The following ITIH3 variants were observed in gnomAD, a reference collection of about 807,000 sequenced individuals.
ITIH3 encodes inter-alpha-trypsin inhibitor heavy chain 3.
A neutral mutation model predicts 96.5 loss-of-function variants in ITIH3; 81 were observed. The observed-to-expected ratio is 0.84, with a 90% confidence interval of 0.70 to 1.01. The LOEUF (loss-of-function observed/expected upper bound fraction) is 1.01. Among genes scored for constraint, ITIH3 ranks in the 50% least tolerant of loss-of-function variants. The probability of loss-of-function intolerance (pLI) is 0.00; values close to 1 mark genes in which losing one functional copy is unlikely to be tolerated. For synonymous variants in ITIH3, 422 were observed against 445.2 expected (o/e 0.95, Z 0.66); for missense variants, 1,057 against 1,139.3 (o/e 0.93, Z 1.04).
intron 10 of ITIH3, 89 bp downstream of exon 10, chr3:52,800,752 G>T (rs978017211): frequency 2.0e-6 from 3 of 1,533,026 alleles, no homozygotes; most frequent in African/African-American, 1.4e-5. Flanking sequence ...AAAACCTGGG[G>T]CAGCTCTTCC....
chr3:52,797,838 C>A lies in ITIH3; in HGVS notation c.571C>A (p.Pro191Thr). 6.2e-7 allele frequency: 1 copy of A among 1,607,796 alleles called. No individual in the cohort carries two copies. The highest frequency in any genetic ancestry group is 8.5e-7 in the Non-Finnish European group (1 of 1,177,202). Residue 191 changes from proline to threonine, a missense_variant, in exon 6 of 22, where the codon CCT becomes ACT. Coordinates refer to ENST00000449956, the MANE Select transcript of ITIH3 (RefSeq NM_002217.4). ...HFEIEVDIFEPQGISMLDAEA... is the reference protein window; with the variant it reads ...HFEIEVDIFETQGISMLDAEA... ...TCAGATCGAGGTAGACATCTTCGAG[C>A]CTCAGGGAATCAGCATGCTGGATGC...
At chr3:52,797,454 G>C (rs919779314) in intron 5 of ITIH3, among the ~76,000 whole-genome samples, 187 bp downstream of exon 5, 2 of 152,236 alleles carry the variant, frequency 1.3e-5, no homozygotes, top group Non-Finnish European at 2.9e-5. Context: ...GAAGAGGCTG[G>C]GATGGACTCC....
chr3:52,802,441 T>A lies in ITIH3; in HGVS notation c.1491T>A (p.Asp497Glu). The A allele has an allele frequency of 1.9e-6, 3 of 1,613,938 alleles. No homozygotes were observed. Among genetic ancestry groups the A allele is most frequent in the Non-Finnish European group, 2.5e-6 (3 of 1,179,870 alleles). ...LTQNTYQHFY[D>E]GSEIVVAGRL... ...AGAACACTTACCAGCACTTCTACGA[T>A]GGCTCTGAGATCGTGGTGGCCGGGC... is the stretch of plus-strand genomic sequence containing the variant. The change falls in exon 12 of 22, where the codon GAT becomes GAA. Residue 497 changes from aspartate (D) to glutamate (E), a missense_variant. By Grantham distance (45) the Asp-to-Glu change is conservative (BLOSUM62 2). Coordinates refer to ENST00000449956, the MANE Select transcript of ITIH3 (RefSeq NM_002217.4).
In ITIH3 at chr3:52,799,763, C is replaced by G. The variant is rs779319143; in HGVS notation, c.917C>G (p.Ala306Gly). ...TTGTCTCTCCTCCAGACAAAGGAGG[C>G]CCTTCTCAGAATCCTGGAAGATATG... ...AGRKLEQTKE[A>G]LLRILEDMQE... is the part of the protein sequence containing the mutation. The change falls in exon 9 of 22, where the codon GCC (alanine) becomes GGC (glycine). Residue 306 changes from alanine to glycine, a missense_variant. Coordinates refer to ENST00000449956, the MANE Select transcript of ITIH3 (RefSeq NM_002217.4). 3.1e-6 allele frequency: 5 copies of G among 1,611,662 alleles called. No individual in the cohort carries two copies. The Admixed American group carries it at 8.4e-5, about 27-fold the overall frequency.
At chr3:52,808,498 C>T (rs777593737) in intron 21 of ITIH3, 54 bp from the exon 22 acceptor site, 19 of 1,595,732 alleles carry the variant, frequency 1.2e-5, no homozygotes, top group Non-Finnish European at 1.6e-5. Context: ...GTCCGCTAGC[C>T]TAGCAGCCAT....
intron 13 of ITIH3, 59 bp from the exon 14 acceptor site, chr3:52,803,796 G>A: frequency 6.3e-7 from 1 of 1,589,768 alleles, no homozygotes; most frequent in Admixed American, 1.7e-5. Context: ...CTCCAGTGCA[G>A]GGGAAGTGGG....
At position 52,803,838 on chromosome 3, in the gene ITIH3, CTG is replaced by C; in HGVS notation, c.1710-16_1710-15del. On this transcript the variant is annotated splice_polypyrimidine_tract_variant and intron_variant, in intron 13 of 21. Transcript: ENST00000449956. ...GCTGCTCTCCAGGCTGTCCTCCTGACTGGCCCCTCCTCACAGCAAGAACGCCC... is the reference window on the plus strand; with the variant it reads ...GCTGCTCTCCAGGCTGTCCTCCTGACGCCCCTCCTCACAGCAAGAACGCCC... 6.2e-7 allele frequency: 1 copy of C among 1,613,546 alleles called. No individual in the cohort carries two copies. Among genetic ancestry groups the C allele is most frequent in the Non-Finnish European group, 8.5e-7 (1 of 1,179,726 alleles).
In ITIH3 at chr3:52,806,803, C is replaced by T. The variant is rs1017082236; in HGVS notation, c.2057-98C>T. The T allele has an allele frequency of 8.3e-6, 8 of 965,978 alleles. No individual in the cohort carries two copies. The Admixed American group carries it at 1.0e-4, about 12-fold the overall frequency. The allele number at this position is 965,978 out of a possible 1,614,324, so 59.8% of individuals were successfully genotyped here. ...CTCTTGTGGCCCCCGCTCTGCTGCC[C>T]CTCAGCCAGTCTGGTTGAAGAGGAA... On this transcript the variant is annotated intron_variant, in intron 18 of 21. Transcript: ENST00000449956.
rs907192747 is a variant in ITIH3 at position 52,802,490 on chromosome 3, A to G, written c.1540A>G (p.Ser514Gly). The change falls in exon 12 of 22, where the codon AGC becomes GGC. Residue 514 changes from serine (S) to glycine (G), a missense_variant. Transcript: ENST00000449956. ...GCGCCTGGTGGACGAGGACATGAAC[A>G]GCTTTAAGGCAGATGTGAAGGGCCA... is the stretch of plus-strand genomic sequence containing the variant. ...AGRLVDEDMNSFKADVKGHGA... is the reference protein window; with the variant it reads ...AGRLVDEDMNGFKADVKGHGA... The G allele has an allele frequency of 1.2e-6, 2 of 1,613,784 alleles. No individual in the cohort carries two copies. The highest frequency in any genetic ancestry group is 8.5e-7 in the Non-Finnish European group (1 of 1,179,866).
At position 52,799,920 on chromosome 3, in the gene ITIH3, A is replaced by T; in HGVS notation, c.1074A>T (p.Gly358=). The T allele has an allele frequency of 6.2e-7, 1 of 1,613,078 alleles. No individual in the cohort carries two copies. Among genetic ancestry groups the T allele is most frequent in the East Asian group, 2.2e-5 (1 of 44,858 alleles). The change falls in exon 9 of 22, where the codon GGA becomes GGT. Residue 358 remains glycine (G), a splice_region_variant and synonymous_variant. Coordinates refer to ENST00000449956, the MANE Select transcript of ITIH3 (RefSeq NM_002217.4). ...TTGTGAAGAGCATGGAGGATAAAGG[A>T]AGTAAGAGCGGAGCTGGAGCCCACA... The part of the protein sequence containing the change: ...RTFVKSMEDK[G]MTNINDGLLR...
intron 8 of ITIH3, 125 bp from the exon 9 acceptor site, chr3:52,799,628 C>T (rs1462027948): frequency 7.0e-6 from 8 of 1,149,012 alleles, no homozygotes; most frequent in African/African-American, 4.7e-5. Flanking sequence ...GGCCTCTGCC[C>T]GCTTCTGTGG....
At position 52,808,768 on chromosome 3, in the gene ITIH3, C is replaced by T; in HGVS notation, c.*87C>T. On this transcript the variant is annotated 3_prime_UTR_variant, in exon 22 of 22. Transcript: ENST00000449956. ...CACAGAGAGGGGCCTGTGGGAGGGG[C>T]TGGGAAAATAAAGTCCAAGGTCGAG... 1 of 1,524,548 alleles carries T rather than the reference C, an allele frequency of 6.6e-7. No individual in the cohort carries two copies. Among genetic ancestry groups the T allele is most frequent in the Non-Finnish European group, 9.0e-7 (1 of 1,107,252 alleles). The allele number at this position is 1,524,548 out of a possible 1,614,324, so 94.4% of individuals were successfully genotyped here.
At chr3:52,796,938 C>T in intron 4 of ITIH3, 95 bp downstream of exon 4, 1 of 1,171,206 alleles carries the variant, frequency 8.5e-7, no homozygotes, top group Non-Finnish European at 1.2e-6. Flanking sequence ...ATTGGTATAG[C>T]AAAATGTGCC....
At position 52,808,229 on chromosome 3, in the gene ITIH3, G is replaced by A; in HGVS notation, c.2543+8G>A. The A allele has an allele frequency of 6.2e-7, 1 of 1,605,374 alleles. No individual in the cohort carries two copies. Among genetic ancestry groups the A allele is most frequent in the South Asian group, 1.1e-5 (1 of 90,914 alleles). ...TCAGCTGATTGTCACCAGGTGAGGA[G>A]ACTTCTCCCACACCCTCACCTGCTC... is the stretch of plus-strand genomic sequence containing the variant. On this transcript the variant is annotated splice_region_variant and intron_variant, in intron 21 of 21. Transcript: ENST00000449956.
At chr3:52,806,036 T>C in intron 16 of ITIH3, 67 bp from the exon 17 acceptor site, 1 of 1,551,214 alleles carries the variant, frequency 6.4e-7, no homozygotes, top group East Asian at 2.4e-5. Context: ...TGAACTCCTA[T>C]GGGGGTCGTC....
chr3:52,807,105 G>T lies in ITIH3; in HGVS notation c.2261G>T (p.Gly754Val). ...WLDTVTVTQDGLSMMINRKNM... is the reference protein window; with the variant it reads ...WLDTVTVTQDVLSMMINRKNM... Reference sequence around the variant, plus strand: ...GACACAGTCACAGTCACGCAGGATGGGTAAGCTCCCCTACAAGGTCTCCAA... The same window carrying T: ...GACACAGTCACAGTCACGCAGGATGTGTAAGCTCCCCTACAAGGTCTCCAA... Residue 754 changes from glycine to valine, a missense_variant and splice_region_variant, in exon 19 of 22, where the codon GGG becomes GTG. Coordinates refer to ENST00000449956, the MANE Select transcript of ITIH3 (RefSeq NM_002217.4). 2 of 1,585,460 alleles carry T rather than the reference G, an allele frequency of 1.3e-6. No homozygotes were observed. Among genetic ancestry groups the T allele is most frequent in the Non-Finnish European group, 1.7e-6 (2 of 1,166,212 alleles).
chr3:52,795,724 A>C, intron 2 of ITIH3, 101 bp downstream of exon 2: 1 of 1,198,908 alleles, frequency 8.3e-7, no homozygotes, highest in Non-Finnish European at 1.2e-6. Context: ...GACTCCTCAC[A>C]GCTGGCAAAC....
At position 52,806,337 on chromosome 3, in the gene ITIH3, G is replaced by T. The variant is rs559876188; in HGVS notation, c.1987G>T (p.Asp663Tyr). 2 of 1,613,812 alleles carry T rather than the reference G, an allele frequency of 1.2e-6. No individual in the cohort carries two copies. Among genetic ancestry groups the T allele is most frequent in the Admixed American group, 1.7e-5 (1 of 59,998 alleles). ...CATCATCCAAATTCCGGAGAAAGAC[G>T]ATGCCCTCTGCTTCAACATCGATGA... ...HFIIQIPEKD[D>Y]ALCFNIDEAP... The change falls in exon 18 of 22, where the codon GAT becomes TAT. Residue 663 changes from aspartate to tyrosine, a missense_variant. Transcript: ENST00000449956.
chr3:52,804,970 A>G, intron 15 of ITIH3: 1 of 560,702 alleles, frequency 1.8e-6, no homozygotes, highest in Non-Finnish European at 3.3e-6. Context: ...GTATGACAGT[A>G]TCTATGACCT....
Sources: gnomAD v4.1 joint callset for allele counts (sites outside exome capture counted in the v4.1 genomes callset) on GRCh38, gnomAD v4.1.1 for gene constraint, MANE v1.5 for transcripts, NCBI Gene and HGNC (gene_info 2026-07-23, HGNC 2026-07-21) for gene names.